The following HMCN2 variants were observed in gnomAD, a reference collection of about 807,000 sequenced individuals.
The protein encoded by HMCN2 is hemicentin 2.
In HMCN2, 325 loss-of-function variants were observed where a neutral mutation model predicts 377.5. That is an observed-to-expected ratio of 0.86 (90% confidence interval 0.79 to 0.94). The LOEUF is 0.94. Among genes scored for constraint, HMCN2 ranks in the 40% least tolerant of loss-of-function variants. The pLI is 0.00. For synonymous variants in HMCN2, 2,007 were observed against 2,046.8 expected, an observed-to-expected ratio of 0.98 and a Z score of 0.53; for missense variants, 4,543 against 4,725.3, an observed-to-expected ratio of 0.96 and a Z score of 1.13.
intron 19 of HMCN2, among the ~76,000 whole-genome samples, chr9:130,322,731 G>A (rs1462070748): frequency 4.6e-5 from 7 of 152,164 alleles, no homozygotes; most frequent in Non-Finnish European, 7.3e-5. Context: ...GAGATTGTAC[G>A]TTTTTGGAAT....
Position 130,375,914 on chromosome 9 carries a change from G to T in HMCN2, c.7843G>T (p.Asp2615Tyr). 1 of 986,002 alleles carries T rather than the reference G, an allele frequency of 1.0e-6. No homozygotes were observed. The highest frequency in any genetic ancestry group is 1.2e-6 in the Non-Finnish European group (1 of 830,048). The allele number at this position is 986,002 out of a possible 1,614,324, so 61.1% of individuals were successfully genotyped here. A position where few individuals can be genotyped will look rare whatever the true frequency, so the allele number is the denominator to read the frequency against. Residue 2615 changes from aspartate (D) to tyrosine (Y), a missense_variant, in exon 51 of 98, where the codon GAT becomes TAT. Coordinates refer to ENST00000683500, the MANE Select transcript of HMCN2 (RefSeq NM_001291815.2). ...GCAGATCCTGAATGCCCAGAAGGAA[G>T]ATGCTGGCCAGTACACCTGCGTGGT... ...GLQILNAQKE[D>Y]AGQYTCVVTN... is the part of the protein sequence containing the mutation.
intron 6 of HMCN2, 52 bp downstream of exon 6, chr9:130,295,824 A>G (rs1836112261): frequency 6.5e-6 from 3 of 461,676 alleles, no homozygotes; most frequent in East Asian, 7.0e-5. Context: ...CTGGGCTGGA[A>G]CCATCTTCCT....
At position 130,432,364 on chromosome 9, in the gene HMCN2, TC is replaced by T. The variant is rs1409072052; in HGVS notation, c.14768-59del. On this transcript the variant is annotated intron_variant, in intron 96 of 97. Transcript: ENST00000683500. ...CCCAAAGGTACTTCTCCCCACGCAC[TC>T]CCCCCTTCTCCTTTGCTCCATCTTT... is the stretch of plus-strand genomic sequence containing the variant. 4.9e-5 allele frequency: 73 copies of T among 1,487,196 alleles called. 1 individual carries two copies. The East Asian group carries it at 1.8e-3, about 36-fold the overall frequency. The allele number at this position is 1,487,196 out of a possible 1,614,324, so 92.1% of individuals were successfully genotyped here. A position where few individuals can be genotyped will look rare whatever the true frequency, so the allele number is the denominator to read the frequency against.
intron 71 of HMCN2, 24 bp from the exon 72 acceptor site, chr9:130,395,900 G>C (rs2131694166): frequency 7.8e-7 from 1 of 1,281,938 alleles, no homozygotes; most frequent in Non-Finnish European, 1.0e-6. Flanking sequence ...ATAAGGGTCT[G>C]TCCACCCTGG....
Position 130,422,583 on chromosome 9 carries a change from C to T in HMCN2, c.13238C>T (p.Pro4413Leu). 1 of 1,316,998 alleles carries T rather than the reference C, an allele frequency of 7.6e-7. No individual in the cohort carries two copies. Among genetic ancestry groups the T allele is most frequent in the Non-Finnish European group, 9.7e-7 (1 of 1,026,900 alleles). 81.6% of individuals were successfully genotyped at this position (1,316,998 alleles called of 1,614,324 possible). Residue 4413 changes from proline (P) to leucine (L), a missense_variant, in exon 87 of 98, where the codon CCC (proline) becomes CTC (leucine). Transcript: ENST00000683500. This position sits in a 1 kb window ranked among gnomAD's most constrained non-coding sequence, Gnocchi z 4.2. Reference sequence around the variant, plus strand: ...TTCTTTCCCTTCCTTACAGGGGAGCCCCAGGGGAGCTGGGGCAGCATGACT... The same window carrying T: ...TTCTTTCCCTTCCTTACAGGGGAGCTCCAGGGGAGCTGGGGCAGCATGACT... ...ARAFLVVRGEPQGSWGSMTGV... is the reference protein window; with the variant it reads ...ARAFLVVRGELQGSWGSMTGV...
chr9:130,340,128 C>T (rs1838967483), intron 23 of HMCN2, among the ~76,000 whole-genome samples: 1 of 152,200 alleles, frequency 6.6e-6, no homozygotes, highest in Admixed American at 6.5e-5. Flanking sequence ...GCATCACTTG[C>T]CATGTAGGAA....
chr9:130,387,866 C>T lies in HMCN2; in HGVS notation c.9392-543C>T, dbSNP rs183841523. On this transcript the variant is annotated intron_variant, in intron 61 of 97. Coordinates refer to ENST00000683500, the MANE Select transcript of HMCN2 (RefSeq NM_001291815.2). ...TGAGGCAGGGATGATCACTTGAGCC[C>T]AGGAGTTTGAGATCAGACTGGGCGA... 2.7e-3 allele frequency among the ~76,000 whole-genome samples: 418 copies of T among 152,236 alleles called. 1 individual carries two copies. The highest frequency in any genetic ancestry group is 4.4e-3 in the Non-Finnish European group (301 of 68,016).
intron 23 of HMCN2, among the ~76,000 whole-genome samples, chr9:130,340,479 A>G (rs947263116): frequency 3.3e-5 from 5 of 151,040 alleles, no homozygotes; most frequent in East Asian, 3.9e-4. Context: ...GCCTTGCCTC[A>G]GTTTCCCCTG....
intron 54 of HMCN2, among the ~76,000 whole-genome samples, chr9:130,380,387 C>T (rs149837236): frequency 6.6e-6 from 1 of 152,214 alleles, no homozygotes; most frequent in African/African-American, 2.4e-5. Flanking sequence ...GAACTGTGTC[C>T]TGCCAGAGAT....
intron 1 of HMCN2, among the ~76,000 whole-genome samples, chr9:130,280,957 G>A (rs1554925457): frequency 6.6e-6 from 1 of 151,786 alleles, no homozygotes; most frequent in Non-Finnish European, 1.5e-5. Context: ...TACAAAATTA[G>A]CCGAGCATGG....
chr9:130,358,420 A>G lies in HMCN2; in HGVS notation c.5611A>G (p.Ile1871Val). The change falls in exon 36 of 98, where the codon ATC becomes GTC. Residue 1871 changes from isoleucine to valine, a missense_variant. Around this residue, in one of 5 missense-constraint regions of HMCN2, gnomAD observed 1,032 missense variants for 1,285.1 expected, o/e 0.80. Transcript: ENST00000683500. ...GAAGGTGGACCTGAGGGACGAGGGC[A>G]TCTACACTTGTGCTGCTACCAACCT... The part of the protein sequence containing the change: ...IEKVDLRDEG[I>V]YTCAATNLAG... 2.3e-6 allele frequency: 3 copies of G among 1,304,340 alleles called. No homozygotes were observed. Among genetic ancestry groups the G allele is most frequent in the Non-Finnish European group, 3.0e-6 (3 of 988,954 alleles). The allele number at this position is 1,304,340 out of a possible 1,614,324, so 80.8% of individuals were successfully genotyped here.
chr9:130,300,286 A>ACAT (rs1472464544), intron 8 of HMCN2, among the ~76,000 whole-genome samples: 1 of 152,106 alleles, frequency 6.6e-6, no homozygotes, highest in Non-Finnish European at 1.5e-5. Flanking sequence ...GTCCACCCAC[A>ACAT]CATCCATCTA....
Position 130,364,844 on chromosome 9 carries a change from A to G in HMCN2, c.6363A>G (p.Glu2121=). The change falls in exon 41 of 98, where the codon GAA becomes GAG. Residue 2121 remains glutamate (E), a synonymous_variant. Transcript: ENST00000683500. ...LSWWKDGRPL[E]PRPGVHLSAD... ...GGTGGAAGGACGGGCGGCCCCTGGA[A>G]CCACGGCCTGGAGTCCACCTCTCCG... is the stretch of plus-strand genomic sequence containing the variant. 1 of 986,016 alleles carries G rather than the reference A, an allele frequency of 1.0e-6. No individual in the cohort carries two copies. The highest frequency in any genetic ancestry group is 1.2e-6 in the Non-Finnish European group (1 of 830,048). The allele number at this position is 986,016 out of a possible 1,614,324, so 61.1% of individuals were successfully genotyped here. A position where few individuals can be genotyped will look rare whatever the true frequency, so the allele number is the denominator to read the frequency against.
chr9:130,360,751 A>ACCATCCATCCATCCATCCAT lies in HMCN2; in HGVS notation c.5950+166_5950+185dup, dbSNP rs199552416. ...ACCCCATCCATCCATCATCCATCCA[A>ACCATCCATCCATCCATCCAT]CCATCCATCCATCCATCCATCCATC... On this transcript the variant is annotated intron_variant, in intron 38 of 97. Transcript: ENST00000683500. This position sits in a 1 kb window ranked among gnomAD's most constrained non-coding sequence, Gnocchi z 4.7. 4 of 282,368 alleles carry ACCATCCATCCATCCATCCAT rather than the reference A, an allele frequency of 1.4e-5. No homozygotes were observed. The highest frequency in any genetic ancestry group is 6.1e-5 in the South Asian group (2 of 32,602). The allele number at this position is 282,368 out of a possible 1,614,324, so 17.5% of individuals were successfully genotyped here.
chr9:130,403,422 A>AG, intron 79 of HMCN2, 94 bp downstream of exon 79: 1 of 1,224,886 alleles, frequency 8.2e-7, no homozygotes, highest in Non-Finnish European at 1.1e-6. Flanking sequence ...GAGACCCCGC[A>AG]GACCTGCTGA....
intron 54 of HMCN2, among the ~76,000 whole-genome samples, chr9:130,379,899 G>T (rs1841611823): frequency 6.6e-6 from 1 of 152,092 alleles, no homozygotes; most frequent in South Asian, 2.1e-4. Flanking sequence ...TTTTGGGACA[G>T]AGTTTCGCTC....
rs1844302148 is a variant in HMCN2, at chr9:130,425,702, TACGTGCAAACAGG to T, written c.13658_13670del (p.Tyr4553CysfsTer151). ...CATCCTGCAGGACTTTGAGGAGCAC[TACGTGCAAACAGG>T]GCCTGGCCAGCTGTTCGTGGGCTCC... On this transcript the variant is annotated frameshift_variant, in exon 90 of 98. Transcript: ENST00000683500. LOFTEE classifies it high-confidence loss of function. 7 of 1,282,708 alleles carry T rather than the reference TACGTGCAAACAGG, an allele frequency of 5.5e-6. No individual in the cohort carries two copies. Among genetic ancestry groups the T allele is most frequent in the Non-Finnish European group, 7.1e-6 (7 of 980,446 alleles). The allele number at this position is 1,282,708 out of a possible 1,614,324, so 79.5% of individuals were successfully genotyped here.
At chr9:130,429,858 C>A in intron 94 of HMCN2, 173 bp downstream of exon 94, 1 of 1,254,176 alleles carries the variant, frequency 8.0e-7, no homozygotes, top group Non-Finnish European at 1.1e-6. Context: ...TGAGAATAAC[C>A]AAACAGCAGC....
chr9:130,398,857 A>G, intron 75 of HMCN2, 150 bp downstream of exon 75: 1 of 629,558 alleles, frequency 1.6e-6, no homozygotes, highest in South Asian at 1.9e-5. Flanking sequence ...TTTGGGGATC[A>G]GAGAGTCTTC....
Sources: gnomAD v4.1 joint callset for allele counts (sites outside exome capture counted in the v4.1 genomes callset) on GRCh38, gnomAD v4.1.1 for gene constraint, gnomAD v4.1.1 regional missense constraint, Gnocchi (gnomAD v3.1) non-coding constraint, MANE v1.5 for transcripts, NCBI Gene and HGNC (gene_info 2026-07-23, HGNC 2026-07-21) for gene names.